MYOF: variants seen among roughly 807,000 people sequenced by gnomAD.
The protein encoded by MYOF is fer-1-like 3, myoferlin.
Under a neutral mutation model 284.2 loss-of-function variants are expected in MYOF, and 244 were observed. The observed-to-expected ratio is 0.86, with a 90% CI of 0.77 to 0.95. The LOEUF is 0.95. MYOF is among the 40% of genes least tolerant of loss of function. MYOF has a pLI of 0.00. For synonymous variants in MYOF, 904 were observed against 919.7 expected, an observed-to-expected ratio of 0.98 and a Z score of 0.31; for missense variants, 2,496 against 2,560.6, an observed-to-expected ratio of 0.97 and a Z score of 0.54.
intron 3 of MYOF, among the ~76,000 whole-genome samples, chr10:93,435,376 T>C (rs941097580): frequency 5.3e-5 from 8 of 152,218 alleles, no homozygotes; most frequent in African/African-American, 1.9e-4. Context: ...TGGGAGGCTA[T>C]ACTGTTCAGC....
At chr10:93,402,491 C>A in intron 10 of MYOF, 144 bp from the exon 11 acceptor site, 1 of 669,000 alleles carries the variant, frequency 1.5e-6, no homozygotes, top group Middle Eastern at 4.1e-4. Context: ...TCCACTTTCA[C>A]GTCTTCTGTT....
intron 51 of MYOF, among the ~76,000 whole-genome samples, chr10:93,312,754 T>G (rs1842446413): frequency 6.6e-6 from 1 of 151,934 alleles, no homozygotes; most frequent in African/African-American, 2.4e-5. Context: ...GAAAGGAAAA[T>G]ATAGTGAAAC....
At chr10:93,365,419 CTTTCTT>C (rs1845281874) in intron 26 of MYOF, among the ~76,000 whole-genome samples, 1 of 152,084 alleles carries the variant, frequency 6.6e-6, no homozygotes, top group Non-Finnish European at 1.5e-5. Flanking sequence ...TTATTTTTTT[CTTTCTT>C]TTTAATAACA....
In MYOF at chr10:93,378,703, A is replaced by G. The variant is rs1303657797; in HGVS notation, c.2001+1160T>C. On this transcript the variant is annotated intron_variant, in intron 21 of 53. Coordinates refer to ENST00000359263, the MANE Select transcript of MYOF (RefSeq NM_013451.4). ...TGTATGTGTGTGTGTGTATATATAT[A>G]TATATATATATATGTATATATTTAT... 1.2e-3 allele frequency among the ~76,000 whole-genome samples: 158 copies of G among 127,640 alleles called. 10 individuals carry two copies. Among genetic ancestry groups the G allele is most frequent in the African/African-American group, 3.3e-3 (103 of 31,206 alleles). The allele number at this position is 127,640 out of a possible 152,430, so 83.7% of individuals were successfully genotyped here.
chr10:93,349,733 TTGTG>T (rs536124742), intron 36 of MYOF, 71 bp downstream of exon 36: 30 of 1,439,542 alleles, frequency 2.1e-5, no homozygotes, highest in Non-Finnish European at 7.6e-6. Context: ...AACTCTGTGT[TTGTG>T]TGTGTGTGTG....
Position 93,380,007 on chromosome 10 carries a change from G to T in MYOF, c.1877-20C>A, listed in dbSNP as rs376781601. 1 of 1,609,148 alleles carries T rather than the reference G, an allele frequency of 6.2e-7. No homozygotes were observed. Among genetic ancestry groups the T allele is most frequent in the Admixed American group, 1.7e-5 (1 of 59,892 alleles). On this transcript the variant is annotated intron_variant, in intron 20 of 53. Transcript: ENST00000359263. ...AGTTGCCTGGTATAAAACATTGGGGGTCAATGAACACTGAACACTTAAAAT... is the reference window on the plus strand; with the variant it reads ...AGTTGCCTGGTATAAAACATTGGGGTTCAATGAACACTGAACACTTAAAAT...
rs764598880 is a variant in MYOF at position 93,313,094 on chromosome 10, A to T, written c.5815T>A (p.Ser1939Thr). ...TTCATGGACTTCTGCTCAAAGAGGG[A>T]GGCTGTCTTGGCTTTAAGGGGGTTC... ...AMNPLKAKTA[S>T]LFEQKSMKGW... The change falls in exon 51 of 54, where the codon TCC becomes ACC. Residue 1939 changes from serine (S) to threonine (T), a missense_variant. By Grantham distance (58) the Ser-to-Thr change is moderately conservative. Transcript: ENST00000359263. 2.9e-5 allele frequency: 46 copies of T among 1,613,936 alleles called. No homozygotes were observed. Among genetic ancestry groups the T allele is most frequent in the Admixed American group, 8.3e-5 (5 of 59,996 alleles).
intron 19 of MYOF, among the ~76,000 whole-genome samples, chr10:93,387,257 G>A (rs1485958219): frequency 6.6e-6 from 1 of 152,360 alleles, no homozygotes; most frequent in East Asian, 1.9e-4. Flanking sequence ...ACCCAGCAAG[G>A]AGGGCCGCGG....
chr10:93,324,396 G>A (rs1038300411), intron 46 of MYOF: 2 of 152,154 alleles, frequency 1.3e-5, no homozygotes, highest in Non-Finnish European at 2.9e-5. Context: ...CTAATCTCTA[G>A]GGCTCAGGGC....
chr10:93,377,625 C>T (rs1265207054), intron 21 of MYOF, among the ~76,000 whole-genome samples, 196 bp from the exon 22 acceptor site: 1 of 151,906 alleles, frequency 6.6e-6, no homozygotes. Context: ...AATTACATTT[C>T]AGATGAATAA....
chr10:93,315,118 C>G (rs1216046575), intron 50 of MYOF, among the ~76,000 whole-genome samples: 1 of 152,192 alleles, frequency 6.6e-6, no homozygotes, highest in Non-Finnish European at 1.5e-5. Context: ...TTATGTAAGC[C>G]TACTTGCATA....
rs772073341 is a variant in MYOF at position 93,387,914 on chromosome 10, CT to C, written c.1582-2del. On this transcript the variant is annotated splice_acceptor_variant, in intron 18 of 53. Transcript: ENST00000359263. LOFTEE classifies it high-confidence loss of function. Reference sequence around the variant, plus strand: ...TGCCTCTGTAGGCAACTCCTTCCCCCTGAAAGGCAATAATCCAGGATTATTC... The same window carrying C: ...TGCCTCTGTAGGCAACTCCTTCCCCCGAAAGGCAATAATCCAGGATTATTC... The C allele has an allele frequency of 1.2e-6, 2 of 1,609,952 alleles. No individual in the cohort carries two copies. The highest frequency in any genetic ancestry group is 2.2e-5 in the East Asian group (1 of 44,850).
In MYOF at chr10:93,313,102, T is replaced by C; in HGVS notation, c.5807A>G (p.Lys1936Arg). ...DLKAMNPLKA[K>R]TASLFEQKSM... ...CTTCTGCTCAAAGAGGGAGGCTGTC[T>C]TGGCTTTAAGGGGGTTCATGGCTTT... Residue 1936 changes from lysine (K) to arginine (R), a missense_variant, in exon 51 of 54, where the codon AAG becomes AGG. Transcript: ENST00000359263. 6.2e-7 allele frequency: 1 copy of C among 1,614,144 alleles called. No individual in the cohort carries two copies. The highest frequency in any genetic ancestry group is 8.5e-7 in the Non-Finnish European group (1 of 1,180,000).
At chr10:93,465,538 C>CTTTTTTTTTTTTTTTTTTTTTTTTTTT (rs71031511) in intron 1 of MYOF, among the ~76,000 whole-genome samples, 10 of 112,158 alleles carry the variant, frequency 8.9e-5, no homozygotes, top group Non-Finnish European at 1.7e-4. Context: ...TTTTTCTTTT[C>CTTTTTTTTTTTTTTTTTTTTTTTTTTT]TTTTTTTTTT....
At position 93,452,043 on chromosome 10, in the gene MYOF, AACTT is replaced by A. The variant is rs1333395776; in HGVS notation, c.236+3_236+6del. ...TAAAATGAGAAAAACAGGTGAAAACAACTTACTTATTTTGTCCAATTGTCTCAAA... is the reference window on the plus strand; with the variant it reads ...TAAAATGAGAAAAACAGGTGAAAACAACTTATTTTGTCCAATTGTCTCAAA... On this transcript the variant is annotated splice_donor_5th_base_variant and intron_variant, in intron 3 of 53. Transcript: ENST00000359263. 6.3e-7 allele frequency: 1 copy of A among 1,592,006 alleles called. No individual in the cohort carries two copies. Among genetic ancestry groups the A allele is most frequent in the Non-Finnish European group, 8.6e-7 (1 of 1,168,222 alleles).
intron 1 of MYOF, among the ~76,000 whole-genome samples, chr10:93,462,794 A>G (rs139755334): frequency 1.1e-4 from 16 of 152,054 alleles, no homozygotes; most frequent in African/African-American, 3.6e-4. Context: ...TCACATATTT[A>G]TATTAGTCAA....
intron 9 of MYOF, 89 bp from the exon 10 acceptor site, chr10:93,402,979 T>C (rs1847371937): frequency 1.8e-6 from 2 of 1,139,106 alleles, no homozygotes; most frequent in Admixed American, 1.9e-5. Flanking sequence ...TTAAATATCA[T>C]GTCTTGATTA....
intron 45 of MYOF, among the ~76,000 whole-genome samples, chr10:93,326,270 C>T (rs1465065454): frequency 1.3e-5 from 2 of 152,350 alleles, no homozygotes; most frequent in East Asian, 3.9e-4. Flanking sequence ...GCCTGTTTCT[C>T]AGCCTCCCTT....
intron 5 of MYOF, among the ~76,000 whole-genome samples, chr10:93,413,926 G>A (rs1040643205): frequency 1.1e-4 from 17 of 152,130 alleles, no homozygotes; most frequent in Admixed American, 2.0e-4. Context: ...CCAGGAGGTC[G>A]AGGCTGCAGT....
Sources: gnomAD v4.1 joint callset for allele counts (sites outside exome capture counted in the v4.1 genomes callset) on GRCh38, gnomAD v4.1.1 for gene constraint, MANE v1.5 for transcripts, NCBI Gene and HGNC (gene_info 2026-07-23, HGNC 2026-07-21) for gene names.